Variants in C19orf38 observed in about 807,000 individuals in gnomAD.
The protein encoded by C19orf38 is protein HIDE1.
Under a neutral mutation model 26.6 loss-of-function variants are expected in C19orf38, and 14 were observed. The observed-to-expected ratio is 0.53, with a 90% CI of 0.35 to 0.82. The LOEUF (loss-of-function observed/expected upper bound fraction) is 0.82. Among genes scored for constraint, C19orf38 ranks in the 40% least tolerant of loss-of-function variants. C19orf38 has a pLI of 0.01. For synonymous variants in C19orf38, 132 were observed against 128.5 expected, an observed-to-expected ratio of 1.03 and a Z score of -0.18; for missense variants, 261 against 299.5, an observed-to-expected ratio of 0.87 and a Z score of 0.95.
At chr19:10,848,184 C>T (rs1054378768), upstream of C19orf38, among the ~76,000 whole-genome samples, 9 of 152,082 alleles carry the variant, frequency 5.9e-5, no homozygotes, top group African/African-American at 1.9e-4. Context: ...GAGCAAGACT[C>T]TGTCTCAAAA....
intron 6 of C19orf38, among the ~76,000 whole-genome samples, chr19:10,868,525 T>C (rs1483496840): frequency 6.6e-6 from 1 of 152,186 alleles, no homozygotes; most frequent in African/African-American, 2.4e-5. Context: ...TATTTATTTA[T>C]TTTTTTGAGA....
In C19orf38 at chr19:10,857,366, A is replaced by AT. The variant is rs773726753; in HGVS notation, c.434-931dup. On this transcript the variant is annotated intron_variant, in intron 3 of 6. Transcript: ENST00000397820. Reference sequence around the variant, plus strand: ...TATATATATATATATATATATATATATTTTTTTTTTTTTTTTTTTAAGATG... The same window carrying AT: ...TATATATATATATATATATATATATATTTTTTTTTTTTTTTTTTTTAAGATG... 8.5e-3 allele frequency among the ~76,000 whole-genome samples: 474 copies of AT among 56,084 alleles called. 8 individuals are homozygous for AT. Among genetic ancestry groups the AT allele is most frequent in the Non-Finnish European group, 9.8e-3 (371 of 37,832 alleles). The allele number at this position is 56,084 out of a possible 152,430, so 36.8% of individuals were successfully genotyped here. A position where few individuals can be genotyped will look rare whatever the true frequency, so the allele number is the denominator to read the frequency against.
chr19:10,857,360 A>ATTTTTTT (rs1256020212), intron 3 of C19orf38, among the ~76,000 whole-genome samples: 1 of 82,086 alleles, frequency 1.2e-5, no homozygotes, highest in African/African-American at 9.8e-5. Context: ...ATATATATAT[A>ATTTTTTT]TATATATTTT....
intron 6 of C19orf38, among the ~76,000 whole-genome samples, chr19:10,865,140 G>A (rs942395725): frequency 7.2e-5 from 11 of 152,038 alleles, no homozygotes; most frequent in African/African-American, 2.4e-4. Context: ...ACTTTTTGAG[G>A]TAGTTTTTAT....
At chr19:10,839,328 A>G (rs768350731) in intron 1 of C19orf38, among the ~76,000 whole-genome samples, 1 of 152,170 alleles carries the variant, frequency 6.6e-6, no homozygotes, top group Admixed American at 6.6e-5. Context: ...CAGCATTCCC[A>G]CGTGCAAGCT....
At chr19:10,856,974 A>AT (rs560904793) in intron 3 of C19orf38, among the ~76,000 whole-genome samples, 2 of 150,626 alleles carry the variant, frequency 1.3e-5, no homozygotes, top group South Asian at 2.1e-4. Flanking sequence ...TTATTTATTT[A>AT]TTTTTTTTAG....
At chr19:10,859,364 ATATATATATATATATATATATT>A (rs1174844980) in intron 4 of C19orf38, among the ~76,000 whole-genome samples, 5 of 43,802 alleles carry the variant, frequency 1.1e-4, no homozygotes, top group Admixed American at 2.5e-4. Flanking sequence ...ATATATATAT[ATATATATATATATATATATATT>A]TTTTTTTTTT....
At position 10,867,721 on chromosome 19, in the gene C19orf38, C is replaced by T. The variant is rs562772469; in HGVS notation, c.544-1497C>T. On this transcript the variant is annotated intron_variant, in intron 6 of 6. Coordinates refer to ENST00000397820, the MANE Select transcript of C19orf38 (RefSeq NM_001136482.3). ...AGACTGCAGTGCAGTGGTGTGATCT[C>T]GGCTCACTGCCACCTCTGCCTCCCA... is the stretch of plus-strand genomic sequence containing the variant. Among the ~76,000 whole-genome samples the T allele has an allele frequency of 1.6e-4, 20 of 124,280 alleles. 1 individual carries two copies. Among genetic ancestry groups the T allele is most frequent in the Non-Finnish European group, 2.5e-4 (16 of 63,012 alleles). The allele number at this position is 124,280 out of a possible 152,430, so 81.5% of individuals were successfully genotyped here.
chr19:10,866,192 C>A (rs985723353), intron 6 of C19orf38, among the ~76,000 whole-genome samples: 4 of 150,618 alleles, frequency 2.7e-5, no homozygotes, highest in Non-Finnish European at 5.9e-5. Context: ...TGCCTGCCAC[C>A]ATGCCTGGCT....
At chr19:10,857,077 A>G (rs1467379340) in intron 3 of C19orf38, among the ~76,000 whole-genome samples, 1 of 151,568 alleles carries the variant, frequency 6.6e-6, no homozygotes, top group African/African-American at 2.4e-5. Flanking sequence ...GACCACAGGC[A>G]CACACTACCA....
intron 6 of C19orf38, among the ~76,000 whole-genome samples, chr19:10,866,357 ATTTT>A (rs71164128): frequency 8.0e-6 from 1 of 125,644 alleles, no homozygotes; most frequent in Non-Finnish European, 1.7e-5. Context: ...TGCCCAGCTA[ATTTT>A]TTTTTTTTTT....
In C19orf38 at chr19:10,869,352, C is replaced by T. The variant is rs1298300860; in HGVS notation, c.678C>T (p.Phe226=). 6 of 1,550,296 alleles carry T rather than the reference C, an allele frequency of 3.9e-6. No homozygotes were observed. Among genetic ancestry groups the T allele is most frequent in the South Asian group, 1.2e-5 (1 of 83,992 alleles). Residue 226 remains phenylalanine, a synonymous_variant, in exon 7 of 7, where the codon TTC becomes TTT. Coordinates refer to ENST00000397820, the MANE Select transcript of C19orf38 (RefSeq NM_001136482.3). ...CTGAGACCCCCGAATTCAGCACTTT[C>T]CGGGCCTGCCAGTGAGGCTGAGGAC... ...SSPETPEFST[F]RACQ
At chr19:10,863,773 C>CGTG (rs1568339376) in intron 6 of C19orf38, among the ~76,000 whole-genome samples, 5 of 151,962 alleles carry the variant, frequency 3.3e-5, no homozygotes, top group African/African-American at 1.2e-4. Flanking sequence ...ATTAGCTGGG[C>CGTG]GTGGTGGTGC....
intron 1 of C19orf38, chr19:10,841,897 A>T: frequency 1.3e-6 from 2 of 1,591,358 alleles, no homozygotes; most frequent in East Asian, 4.5e-5. Flanking sequence ...TCTTATCCTG[A>T]TTCAAATGGA....
rs190638877 is a variant in C19orf38 at position 10,841,571 on chromosome 19, T to C, written c.-69+4801T>C. Among the ~76,000 whole-genome samples, 3 of 152,270 alleles carry C rather than the reference T, an allele frequency of 2.0e-5. No individual in the cohort carries two copies. In the East Asian group the frequency reaches 5.8e-4, roughly 29 times the overall value. On this transcript the variant is annotated intron_variant, in intron 1 of 7. Coordinates refer to the C19orf38 transcript ENST00000592854. Reference sequence around the variant, plus strand: ...ACTTTGGGAGGCCGAGGTGGGTAGATCACAAGGTCAGGAGATCGAGACCAT... The same window carrying C: ...ACTTTGGGAGGCCGAGGTGGGTAGACCACAAGGTCAGGAGATCGAGACCAT...
At chr19:10,857,660 A>G (rs937707604) in intron 3 of C19orf38, among the ~76,000 whole-genome samples, 1 of 151,514 alleles carries the variant, frequency 6.6e-6, no homozygotes, top group Non-Finnish European at 1.5e-5. Flanking sequence ...AGGTGGGCAG[A>G]TCGCGAGGTC....
chr19:10,853,327 C>T (rs889295022), intron 2 of C19orf38, among the ~76,000 whole-genome samples: 1 of 151,936 alleles, frequency 6.6e-6, no homozygotes, highest in South Asian at 2.1e-4. Context: ...CTCCGAGGTT[C>T]AAGCAATTCT....
intron 2 of C19orf38, among the ~76,000 whole-genome samples, chr19:10,851,722 A>G (rs1390362870): frequency 6.6e-6 from 1 of 151,822 alleles, no homozygotes; most frequent in African/African-American, 2.4e-5. Context: ...TAATCCCAGC[A>G]CTTTGGGAGG....
upstream of C19orf38, among the ~76,000 whole-genome samples, chr19:10,846,832 G>T (rs1380801291): frequency 1.3e-5 from 2 of 152,220 alleles, no homozygotes; most frequent in African/African-American, 4.8e-5. Context: ...CACTGTGGGA[G>T]AATTTAGCTA....
Sources: allele counts gnomAD v4.1 joint callset (sites outside exome capture counted in the v4.1 genomes callset), GRCh38; gene constraint gnomAD v4.1.1; transcripts MANE v1.5; gene names NCBI Gene and HGNC (gene_info 2026-07-23, HGNC 2026-07-21).